The following CFAP44 variants were observed in gnomAD, a reference collection of about 807,000 sequenced individuals.
The protein encoded by CFAP44 is cilia and flagella associated protein 44, also known as cilia- and flagella-associated protein 44.
In CFAP44, 134 loss-of-function variants were observed where a neutral mutation model predicts 216.2. The ratio of observed to expected loss-of-function variants is 0.62; its 90% confidence interval spans 0.54 to 0.72. The LOEUF (loss-of-function observed/expected upper bound fraction) is 0.72, where lower values mean the gene tolerates loss of function less well. Ranked by LOEUF, CFAP44 falls within the 30% of genes least tolerant of loss-of-function variation. The probability of loss-of-function intolerance (pLI) is 0.00; values close to 1 mark genes in which losing one functional copy is unlikely to be tolerated. For synonymous variants in CFAP44, 700 were observed against 727.6 expected, an observed-to-expected ratio of 0.96 and a Z score of 0.61; for missense variants, 2,035 against 2,182.1, an observed-to-expected ratio of 0.93 and a Z score of 1.34.
intron 28 of CFAP44, among the ~76,000 whole-genome samples, chr3:113,312,465 C>T (rs945523948): frequency 3.3e-5 from 5 of 152,052 alleles, no homozygotes; most frequent in African/African-American, 7.3e-5. Context: ...AAAAGAAAAA[C>T]GCATTTTCTG....
intron 32 of CFAP44, among the ~76,000 whole-genome samples, chr3:113,297,550 T>C (rs1449962882): frequency 2.0e-5 from 3 of 152,216 alleles, no homozygotes; most frequent in Admixed American, 6.5e-5. Flanking sequence ...TCTTATCCTC[T>C]AGCCAGGGAT....
intron 24 of CFAP44, among the ~76,000 whole-genome samples, chr3:113,338,139 C>A (rs536962688): frequency 4.2e-4 from 63 of 150,900 alleles, no homozygotes; most frequent in African/African-American, 1.3e-3. Flanking sequence ...TGTTTGTAAT[C>A]CCAGCTACTT....
intron 9 of CFAP44, 28 bp downstream of exon 9, chr3:113,403,824 C>T: frequency 1.2e-6 from 2 of 1,602,238 alleles, no homozygotes; most frequent in South Asian, 1.1e-5. Context: ...AACGTGGGTG[C>T]TACCATCCAA....
At chr3:113,429,899 T>C (rs1935058564) in intron 2 of CFAP44, among the ~76,000 whole-genome samples, 1 of 152,258 alleles carries the variant, frequency 6.6e-6, no homozygotes, top group East Asian at 1.9e-4. Flanking sequence ...GTAACACGTA[T>C]CTTTCAGCAA....
Position 113,320,519 on chromosome 3 carries a change from T to TTAATGAAGTTATATATGTATATATA in CFAP44, c.4516+5901_4516+5925dup, listed in dbSNP as rs1190982785. On this transcript the variant is annotated intron_variant, in intron 28 of 34. Coordinates refer to ENST00000393845, the MANE Select transcript of CFAP44 (RefSeq NM_001164496.2). ...TAATATATATCTAGATATACAGTAC[T>TTAATGAAGTTATATATGTATATATA]TAATGAAGTTATATATGTATATATA... is the stretch of plus-strand genomic sequence containing the variant. Among the ~76,000 whole-genome samples, 1,428 of 143,738 alleles carry TTAATGAAGTTATATATGTATATATA rather than the reference T, an allele frequency of 9.9e-3. 8 individuals carry two copies. The highest frequency in any genetic ancestry group is 0.015 in the Non-Finnish European group (1,032 of 66,728). 94.3% of individuals were successfully genotyped at this position (143,738 alleles called of 152,430 possible). A position where few individuals can be genotyped will look rare whatever the true frequency, so the allele number is the denominator to read the frequency against.
chr3:113,306,939 A>C (rs1255011471), intron 29 of CFAP44, among the ~76,000 whole-genome samples: 1 of 152,254 alleles, frequency 6.6e-6, no homozygotes, highest in African/African-American at 2.4e-5. Context: ...TATGATTTTT[A>C]AAGACCATTG....
intron 1 of CFAP44, 122 bp downstream of exon 1, chr3:113,441,331 G>A: frequency 1.0e-6 from 1 of 955,398 alleles, no homozygotes; most frequent in Non-Finnish European, 1.2e-6. Context: ...CTACCGCAGG[G>A]AGGACGAAGG....
In CFAP44 at chr3:113,409,262, G is replaced by A. The variant is rs759145758; in HGVS notation, c.734C>T (p.Ser245Phe). 28 of 1,614,186 alleles carry A rather than the reference G, an allele frequency of 1.7e-5. No individual in the cohort carries two copies. Among genetic ancestry groups the A allele is most frequent in the Non-Finnish European group, 2.3e-5 (27 of 1,180,030 alleles). The change falls in exon 7 of 35, where the codon TCT becomes TTT. Residue 245 changes from serine to phenylalanine, a missense_variant. This residue lies in a region of CFAP44 where 1,883 missense variants were observed against 2,023.7 expected (regional missense o/e 0.93). Coordinates refer to ENST00000393845, the MANE Select transcript of CFAP44 (RefSeq NM_001164496.2). ...TGTGTAGTCAGGGTTACTACCAACA[G>A]AGGCCAGCAAGTTACCGCTGTAGTT... ...DFNYSGNLLASVGSNPDYTLT... is the reference protein window; with the variant it reads ...DFNYSGNLLAFVGSNPDYTLT...
At chr3:113,294,116 A>T in intron 34 of CFAP44, 1 of 454,144 alleles carries the variant, frequency 2.2e-6, no homozygotes, top group South Asian at 1.6e-5. Context: ...AGTATATAAC[A>T]TAGAGTTTGG....
intron 24 of CFAP44, among the ~76,000 whole-genome samples, chr3:113,340,136 T>G (rs7629976): frequency 0.99 from 150,730 of 152,274 alleles, 74,622 homozygotes; most frequent in Middle Eastern, 1. Flanking sequence ...AGGTGCCCAA[T>G]CTGGGAGGAA....
chr3:113,307,929 G>A (rs770801430), intron 29 of CFAP44, among the ~76,000 whole-genome samples: 3 of 151,976 alleles, frequency 2.0e-5, no homozygotes, highest in African/African-American at 4.8e-5. Context: ...GCAGTGAGCC[G>A]AGATCGTACC....
chr3:113,385,430 G>A (rs575484072), intron 15 of CFAP44, among the ~76,000 whole-genome samples: 172 of 152,280 alleles, frequency 1.1e-3, no homozygotes, highest in Middle Eastern at 0.01. Flanking sequence ...AATGACAAGA[G>A]CCTCAAAGAA....
chr3:113,372,122 C>T (rs1417297451), intron 18 of CFAP44, among the ~76,000 whole-genome samples: 3 of 152,224 alleles, frequency 2.0e-5, no homozygotes, highest in Non-Finnish European at 4.4e-5. Context: ...TGCTTTTACA[C>T]TGCTGGTGGG....
intron 18 of CFAP44, among the ~76,000 whole-genome samples, chr3:113,372,344 G>A (rs1576576492): frequency 6.6e-6 from 1 of 152,148 alleles, no homozygotes; most frequent in Admixed American, 6.5e-5. Context: ...GTCCATCAAT[G>A]ATAGACTGGA....
intron 28 of CFAP44, among the ~76,000 whole-genome samples, chr3:113,326,058 T>A (rs1950186552): frequency 6.6e-6 from 1 of 152,114 alleles, no homozygotes; most frequent in African/African-American, 2.4e-5. Flanking sequence ...GTATACAGAA[T>A]ATATAAAGAA....
At chr3:113,297,023 T>A in intron 32 of CFAP44, 138 bp from the exon 33 acceptor site, 1 of 998,720 alleles carries the variant, frequency 1.0e-6, no homozygotes, top group Non-Finnish European at 1.5e-6. Flanking sequence ...TTTTCTTCTG[T>A]GATTTTTTCT....
intron 28 of CFAP44, among the ~76,000 whole-genome samples, chr3:113,324,294 C>A (rs1950171459): frequency 6.6e-6 from 1 of 151,754 alleles, no homozygotes; most frequent in African/African-American, 2.4e-5. Context: ...ATACTAAAAC[C>A]AGACAAAGAC....
At position 113,298,242 on chromosome 3, in the gene CFAP44, G is replaced by C. The variant is rs938744974; in HGVS notation, c.5078-1357C>G. ...CCCAGTGTCCTTCTCCTATGCTGAA[G>C]AGGCCAGCAGCTAATGCTCAGTAGG... On this transcript the variant is annotated intron_variant, in intron 32 of 34. Transcript: ENST00000393845. Among the ~76,000 whole-genome samples, 5 of 152,334 alleles carry C rather than the reference G, an allele frequency of 3.3e-5. No individual in the cohort carries two copies. In the South Asian group the frequency reaches 8.3e-4, roughly 25 times the overall value.
At chr3:113,404,183 A>C in intron 8 of CFAP44, 167 bp from the exon 9 acceptor site, 1 of 700,996 alleles carries the variant, frequency 1.4e-6, no homozygotes, top group Non-Finnish European at 2.2e-6. Context: ...TACCCCAGAC[A>C]CAACTACCAA....
Sources: gnomAD v4.1 joint callset for allele counts (sites outside exome capture counted in the v4.1 genomes callset) on GRCh38, gnomAD v4.1.1 for gene constraint, gnomAD v4.1.1 regional missense constraint, MANE v1.5 for transcripts, NCBI Gene and HGNC (gene_info 2026-07-23, HGNC 2026-07-21) for gene names.